INPP4B: variants seen among roughly 807,000 people sequenced by gnomAD.
The protein encoded by INPP4B is inositol polyphosphate 4-phosphatase type II.
Under a neutral mutation model 122.5 loss-of-function variants are expected in INPP4B, and 55 were observed. The observed-to-expected ratio is 0.45, with a 90% CI of 0.36 to 0.56. The LOEUF (loss-of-function observed/expected upper bound fraction) is 0.56. Among genes scored for constraint, INPP4B ranks in the 20% least tolerant of loss-of-function variants. The pLI is 0.00. For synonymous variants in INPP4B, 403 were observed against 388.7 expected (o/e 1.04, Z -0.43); for missense variants, 1,000 against 1,097.7 (o/e 0.91, Z 1.26).
At chr4:142,461,212 C>A (rs1216028291) in intron 3 of INPP4B, among the ~76,000 whole-genome samples, 1 of 152,132 alleles carries the variant, frequency 6.6e-6, no homozygotes, top group African/African-American at 2.4e-5. Flanking sequence ...TCTTAGAGAT[C>A]AAATCATTCT....
intron 25 of INPP4B, among the ~76,000 whole-genome samples, chr4:142,033,219 C>G (rs1741493630): frequency 6.6e-6 from 1 of 152,142 alleles, no homozygotes; most frequent in Non-Finnish European, 1.5e-5. Flanking sequence ...AGTCAAATTT[C>G]ACAGGGAAGG....
intron 2 of INPP4B, among the ~76,000 whole-genome samples, chr4:142,669,342 C>A (rs963521944): frequency 6.6e-6 from 1 of 152,022 alleles, no homozygotes; most frequent in Non-Finnish European, 1.5e-5. Context: ...ACCACAAAGA[C>A]CCCCAGTAGC....
intron 3 of INPP4B, among the ~76,000 whole-genome samples, chr4:142,462,172 T>C (rs1816869513): frequency 6.6e-6 from 1 of 152,172 alleles, no homozygotes; most frequent in Non-Finnish European, 1.5e-5. Context: ...TCCAGAGAAA[T>C]AGCCTCTGTC....
At chr4:142,224,646 TATA>T (rs1030381059) in intron 12 of INPP4B, among the ~76,000 whole-genome samples, 2 of 152,138 alleles carry the variant, frequency 1.3e-5, no homozygotes, top group Non-Finnish European at 2.9e-5. Context: ...CTTCTTCATA[TATA>T]ATAATATGAA....
Position 142,669,191 on chromosome 4 carries a change from T to A in INPP4B, c.-191+56648A>T, listed in dbSNP as rs1016624484. Among the ~76,000 whole-genome samples, 3 of 152,190 alleles carry A rather than the reference T, an allele frequency of 2.0e-5. No individual in the cohort carries two copies. The South Asian group carries it at 6.2e-4, about 32-fold the overall frequency. On this transcript the variant is annotated intron_variant, in intron 2 of 25. Coordinates refer to ENST00000262992, the MANE Select transcript of INPP4B (RefSeq NM_001101669.3). The stretch of plus-strand genomic sequence containing the variant: ...AATGACACAAATAAATGGAAAGATA[T>A]CCTGTGTTCTTTGATTGGAAGAATT...
intron 5 of INPP4B, among the ~76,000 whole-genome samples, chr4:142,419,331 A>G (rs1240900035): frequency 1.3e-5 from 2 of 152,164 alleles, no homozygotes; most frequent in African/African-American, 4.8e-5. Context: ...AATATTACCT[A>G]AAGCTGTGGG....
chr4:142,239,558 A>T (rs2149997402), intron 11 of INPP4B, among the ~76,000 whole-genome samples: 1 of 152,290 alleles, frequency 6.6e-6, no homozygotes, highest in South Asian at 2.1e-4. Context: ...GCCAATCAAT[A>T]AAAGAAAATA....
chr4:142,796,871 T>G (rs1437167413), intron 1 of INPP4B, among the ~76,000 whole-genome samples: 1 of 40,770 alleles, frequency 2.5e-5, no homozygotes, highest in Non-Finnish European at 5.3e-5. Context: ...AAAACAGATG[T>G]GTGTGTGTGT....
intron 21 of INPP4B, among the ~76,000 whole-genome samples, chr4:142,118,629 A>G (rs1473439095): frequency 6.6e-6 from 1 of 152,198 alleles, no homozygotes; most frequent in African/African-American, 2.4e-5. Context: ...CTTACACCTT[A>G]TACAAAAATT....
chr4:142,042,516 G>GTGTATGTATGTA (rs3043168), intron 25 of INPP4B, among the ~76,000 whole-genome samples: 2 of 48,128 alleles, frequency 4.2e-5, no homozygotes, highest in African/African-American at 8.1e-5. Context: ...TTATGTGTGT[G>GTGTATGTATGTA]TGTATGTATG....
chr4:142,148,054 C>T (rs75242253), intron 17 of INPP4B, among the ~76,000 whole-genome samples: 4,372 of 152,174 alleles, frequency 0.029, 194 homozygotes, highest in African/African-American at 0.099. Flanking sequence ...TGAATCACTA[C>T]CACCGACTGC....
intron 23 of INPP4B, among the ~76,000 whole-genome samples, chr4:142,101,087 T>C (rs539817611): frequency 2.0e-5 from 3 of 152,120 alleles, no homozygotes; most frequent in Admixed American, 1.3e-4. Context: ...TCAAGATAAG[T>C]GACAGTTTCT....
chr4:142,590,093 A>C (rs551302367), intron 2 of INPP4B, among the ~76,000 whole-genome samples: 36 of 152,146 alleles, frequency 2.4e-4, no homozygotes, highest in Non-Finnish European at 4.4e-4. Flanking sequence ...ATTAGTCGCC[A>C]GGAACTGATG....
intron 1 of INPP4B, among the ~76,000 whole-genome samples, chr4:142,730,689 G>A (rs757003968): frequency 1.3e-5 from 2 of 152,132 alleles, no homozygotes. Context: ...GCCTTCTTGA[G>A]TTGTCTTGTG....
At chr4:142,783,663 A>T (rs1250208858) in intron 1 of INPP4B, among the ~76,000 whole-genome samples, 1 of 152,204 alleles carries the variant, frequency 6.6e-6, no homozygotes. Flanking sequence ...ACAGAAATTT[A>T]GAATCCTCTG....
intron 2 of INPP4B, among the ~76,000 whole-genome samples, chr4:142,608,801 T>C (rs1741865808): frequency 1.3e-5 from 2 of 152,184 alleles, no homozygotes; most frequent in Admixed American, 1.3e-4. Flanking sequence ...CAAGATCCTC[T>C]CTGTCTTCAC....
chr4:142,068,664 A>C (rs1003315307), intron 25 of INPP4B, among the ~76,000 whole-genome samples: 27 of 152,190 alleles, frequency 1.8e-4, no homozygotes, highest in African/African-American at 6.3e-4. Flanking sequence ...AAAACAAAAA[A>C]AAGCAGGGGT....
chr4:142,196,189 C>G (rs1176765899), intron 14 of INPP4B, among the ~76,000 whole-genome samples: 1 of 152,118 alleles, frequency 6.6e-6, no homozygotes, highest in African/African-American at 2.4e-5. Flanking sequence ...AAGTTATGAA[C>G]AAGCTGTTCT....
At chr4:142,682,984 C>T (rs988883018) in intron 2 of INPP4B, among the ~76,000 whole-genome samples, 1 of 151,756 alleles carries the variant, frequency 6.6e-6, no homozygotes, top group African/African-American at 2.4e-5. Flanking sequence ...AATGGACAGT[C>T]TCAAAAAGAT....
Sources: allele counts gnomAD v4.1 joint callset (sites outside exome capture counted in the v4.1 genomes callset), GRCh38; gene constraint gnomAD v4.1.1; transcripts MANE v1.5; gene names NCBI Gene and HGNC (gene_info 2026-07-23, HGNC 2026-07-21).